The following MDFIC2 variants were observed in gnomAD, a reference collection of about 807,000 sequenced individuals.
The protein encoded by MDFIC2 is myoD family inhibitor domain-containing protein 2.
chr3:70,221,892 T>C (rs1240459214), intron 2 of MDFIC2, among the ~76,000 whole-genome samples: 1 of 152,190 alleles, frequency 6.6e-6, no homozygotes. Flanking sequence ...CCGCAATTTG[T>C]GCCAACCCAA....
chr3:70,275,914 C>G (rs191739542), intron 2 of MDFIC2, among the ~76,000 whole-genome samples: 1 of 151,762 alleles, frequency 6.6e-6, no homozygotes, highest in African/African-American at 2.4e-5. Context: ...TGCTCATTGT[C>G]GATGCAAATC....
chr3:70,282,048 G>A (rs1472456627), intron 2 of MDFIC2, among the ~76,000 whole-genome samples: 1 of 152,082 alleles, frequency 6.6e-6, no homozygotes, highest in Non-Finnish European at 1.5e-5. Flanking sequence ...TTTGCTTGTT[G>A]CATATAAAGC....
chr3:70,286,557 T>C (rs992667110), intron 2 of MDFIC2, among the ~76,000 whole-genome samples: 9 of 151,652 alleles, frequency 5.9e-5, no homozygotes, highest in African/African-American at 1.2e-4. Context: ...TTTTTGGTTC[T>C]ATATGAACTT....
At chr3:70,293,389 G>A (rs1320001923) in intron 2 of MDFIC2, among the ~76,000 whole-genome samples, 1 of 152,074 alleles carries the variant, frequency 6.6e-6, no homozygotes, top group African/African-American at 2.4e-5. Flanking sequence ...CTAATTTGGG[G>A]ATGAGAGCCA....
At chr3:70,285,972 G>A (rs1702157980) in intron 2 of MDFIC2, among the ~76,000 whole-genome samples, 2 of 151,556 alleles carry the variant, frequency 1.3e-5, no homozygotes, top group Admixed American at 6.6e-5. Context: ...TTTGTCAGAT[G>A]AGTAGGTTGT....
At chr3:70,276,220 T>C (rs946476555) in intron 2 of MDFIC2, among the ~76,000 whole-genome samples, 13 of 152,202 alleles carry the variant, frequency 8.5e-5, no homozygotes, top group African/African-American at 2.9e-4. Context: ...AAATAATTTC[T>C]TGCAATACAA....
At chr3:70,289,874 C>G (rs1004541243) in intron 2 of MDFIC2, among the ~76,000 whole-genome samples, 1 of 151,934 alleles carries the variant, frequency 6.6e-6, no homozygotes, top group Non-Finnish European at 1.5e-5. Context: ...CTTCTGCATT[C>G]TTCACGTAGT....
chr3:70,258,331 A>C (rs1180664100), intron 2 of MDFIC2, among the ~76,000 whole-genome samples: 1 of 152,174 alleles, frequency 6.6e-6, no homozygotes, highest in African/African-American at 2.4e-5. Context: ...GAAAAATACC[A>C]TCAAGAAAAT....
intron 2 of MDFIC2, among the ~76,000 whole-genome samples, chr3:70,228,866 C>T (rs753065928): frequency 2.6e-5 from 4 of 151,784 alleles, no homozygotes; most frequent in Non-Finnish European, 5.9e-5. Context: ...TACCAAGTGT[C>T]TATTATGTGG....
intron 2 of MDFIC2, among the ~76,000 whole-genome samples, chr3:70,259,703 G>A (rs1296660728): frequency 6.6e-6 from 1 of 152,190 alleles, no homozygotes; most frequent in Non-Finnish European, 1.5e-5. Flanking sequence ...GTAACAAAGT[G>A]CCACAAACTG....
At chr3:70,201,010 C>T (rs77929944) in intron 3 of MDFIC2, among the ~76,000 whole-genome samples, 2 of 151,930 alleles carry the variant, frequency 1.3e-5, no homozygotes, top group East Asian at 3.9e-4. Context: ...ATATTTAGAA[C>T]CTTTGTTTTG....
At chr3:70,310,292 G>T (rs967824452) in intron 2 of MDFIC2, among the ~76,000 whole-genome samples, 7 of 151,912 alleles carry the variant, frequency 4.6e-5, no homozygotes, top group Middle Eastern at 3.2e-3. Context: ...AAATTGCTTG[G>T]TGGGGAATTG....
At chr3:70,261,364 T>C (rs1701864559) in intron 2 of MDFIC2, among the ~76,000 whole-genome samples, 1 of 152,226 alleles carries the variant, frequency 6.6e-6, no homozygotes, top group African/African-American at 2.4e-5. Context: ...AAAAAGTTGA[T>C]GTGAACATGC....
At chr3:70,268,080 GT>G (rs2106668472) in intron 2 of MDFIC2, among the ~76,000 whole-genome samples, 2 of 147,984 alleles carry the variant, frequency 1.4e-5, no homozygotes, top group Non-Finnish European at 3.0e-5. Context: ...GGACTTCATT[GT>G]TTTTAGAGTA....
intron 2 of MDFIC2, among the ~76,000 whole-genome samples, chr3:70,289,787 C>G (rs567784415): frequency 6.6e-6 from 1 of 152,106 alleles, no homozygotes; most frequent in Admixed American, 6.5e-5. Flanking sequence ...CTAAACTTTC[C>G]TTCTCGCTTC....
chr3:70,267,626 C>T (rs1189667912), intron 2 of MDFIC2, among the ~76,000 whole-genome samples: 7 of 146,206 alleles, frequency 4.8e-5, no homozygotes, highest in Non-Finnish European at 1.0e-4. Flanking sequence ...CCCTGTTAGC[C>T]AGAATGGTCT....
At chr3:70,259,951 T>C (rs1701850439) in intron 2 of MDFIC2, among the ~76,000 whole-genome samples, 3 of 151,922 alleles carry the variant, frequency 2.0e-5, no homozygotes, top group African/African-American at 4.8e-5. Flanking sequence ...GGGGCACTTA[T>C]AAAACCATCA....
chr3:70,274,090 T>TGTGTGC (rs770689062), intron 2 of MDFIC2, among the ~76,000 whole-genome samples: 22 of 144,972 alleles, frequency 1.5e-4, no homozygotes, highest in African/African-American at 2.4e-4. Flanking sequence ...TGTGTGTGTG[T>TGTGTGC]GCGCGCGCGC....
chr3:70,221,513 C>G (rs916560139), intron 2 of MDFIC2, among the ~76,000 whole-genome samples: 2 of 151,984 alleles, frequency 1.3e-5, no homozygotes, highest in Admixed American at 1.3e-4. Context: ...GCAGGAGATA[C>G]AAAGATGAAT....
Sources: gnomAD v4.1 joint callset for allele counts (sites outside exome capture counted in the v4.1 genomes callset) on GRCh38, gnomAD v4.1.1 for gene constraint, MANE v1.5 for transcripts, NCBI Gene and HGNC (gene_info 2026-07-23, HGNC 2026-07-21) for gene names.